Variants in FBXL17 observed in about 807,000 individuals in gnomAD.
FBXL17 encodes F-box/LRR-repeat protein 17.
FBXL17 carries 22 observed loss-of-function variants against 66.2 expected under a neutral mutation model. The ratio of observed to expected loss-of-function variants is 0.33; its 90% confidence interval spans 0.24 to 0.47. FBXL17 has a LOEUF of 0.47. Among genes scored for constraint, FBXL17 ranks in the 20% least tolerant of loss-of-function variants. The pLI, the probability that FBXL17 is intolerant of heterozygous loss-of-function variation, is 1.00. For missense variants in FBXL17, 878 were observed against 948.2 expected, an observed-to-expected ratio of 0.93 and a Z score of 0.97; for synonymous variants, 474 against 400.5, an observed-to-expected ratio of 1.18 and a Z score of -2.19.
chr5:108,317,729 T>A (rs1759436669), intron 4 of FBXL17, among the ~76,000 whole-genome samples: 1 of 151,402 alleles, frequency 6.6e-6, no homozygotes. Flanking sequence ...ATATTACAAA[T>A]ATTATCTTAA....
At chr5:107,907,041 G>A (rs754658225) in intron 7 of FBXL17, among the ~76,000 whole-genome samples, 23 of 152,202 alleles carry the variant, frequency 1.5e-4, no homozygotes, top group Middle Eastern at 3.4e-3. Context: ...TAATATCTTC[G>A]TAAAATAGAT....
Position 107,861,846 on chromosome 5 carries a change from C to T in FBXL17, c.1980G>A (p.Thr660=), listed in dbSNP as rs149163100. 642 of 1,534,840 alleles carry T rather than the reference C, an allele frequency of 4.2e-4. 1 individual carries two copies. Among genetic ancestry groups the T allele is most frequent in the Non-Finnish European group, 3.9e-4 (445 of 1,135,468 alleles). The change falls in exon 9 of 9, where the codon ACG becomes ACA. Residue 660 remains threonine (T), a synonymous_variant. Transcript: ENST00000542267. ...GGTACTGCTGCACCAGCTGTTCCAC[C>T]GTCACTTCGTTGACCTGCAAACAAA... ...LMRCDKVNEV[T]VEQLVQQYPH...
In FBXL17 at chr5:108,381,497, C is replaced by T. The variant is rs1749927056; in HGVS notation, c.195G>A (p.Val65=). The change falls in exon 1 of 9, where the codon GTG becomes GTA. Residue 65 remains valine (V), a synonymous_variant. Transcript: ENST00000542267. The part of the protein sequence containing the change: ...FRGPCMLCFI[V]HSPGAPAPAG... ...CGGGGGCGGGCGCGCCGGGACTGTGCACGATGAAGCAGAGCATGCAGGGCC... is the reference window on the plus strand; with the variant it reads ...CGGGGGCGGGCGCGCCGGGACTGTGTACGATGAAGCAGAGCATGCAGGGCC... 2 of 1,387,336 alleles carry T rather than the reference C, an allele frequency of 1.4e-6. No individual in the cohort carries two copies. Among genetic ancestry groups the T allele is most frequent in the Admixed American group, 3.7e-5 (1 of 26,790 alleles). 85.9% of individuals were successfully genotyped at this position (1,387,336 alleles called of 1,614,324 possible). A position where few individuals can be genotyped will look rare whatever the true frequency, so the allele number is the denominator to read the frequency against.
At chr5:108,272,239 C>A (rs773266501) in intron 4 of FBXL17, among the ~76,000 whole-genome samples, 31 of 151,768 alleles carry the variant, frequency 2.0e-4, no homozygotes, top group Non-Finnish European at 4.0e-4. Flanking sequence ...TGCAGTGACC[C>A]GAGATCGCGC....
At chr5:108,131,638 C>T (rs1750936414) in intron 6 of FBXL17, among the ~76,000 whole-genome samples, 1 of 152,096 alleles carries the variant, frequency 6.6e-6, no homozygotes, top group Admixed American at 6.5e-5. Flanking sequence ...TTCATCAAAA[C>T]ACAAATTTTT....
At chr5:108,185,712 A>C (rs1753202345) in intron 6 of FBXL17, among the ~76,000 whole-genome samples, 1 of 152,170 alleles carries the variant, frequency 6.6e-6, no homozygotes, top group Admixed American at 6.5e-5. Context: ...ACCTTTAAGA[A>C]AGGGTTTAAA....
chr5:108,279,494 T>C (rs1392103060), intron 4 of FBXL17, among the ~76,000 whole-genome samples: 1 of 151,318 alleles, frequency 6.6e-6, no homozygotes, highest in Non-Finnish European at 1.5e-5. Context: ...CAGTGCTGCA[T>C]GCACCCAGAA....
At chr5:108,046,104 C>G (rs1747245135) in intron 6 of FBXL17, among the ~76,000 whole-genome samples, 1 of 152,142 alleles carries the variant, frequency 6.6e-6, no homozygotes, top group Admixed American at 6.5e-5. Flanking sequence ...TTCAATTTTA[C>G]CAGTTTTTGC....
At chr5:108,351,594 A>T (rs1427254173) in intron 3 of FBXL17, among the ~76,000 whole-genome samples, 1 of 152,196 alleles carries the variant, frequency 6.6e-6, no homozygotes, top group Non-Finnish European at 1.5e-5. Flanking sequence ...TCAGTTAGCC[A>T]AACTCCAGAG....
At chr5:108,044,150 C>T (rs544714006) in intron 6 of FBXL17, among the ~76,000 whole-genome samples, 1 of 152,088 alleles carries the variant, frequency 6.6e-6, no homozygotes. Context: ...TTCATTTATT[C>T]CCTTCCAATC....
chr5:108,119,764 A>T (rs1750411629), intron 6 of FBXL17, among the ~76,000 whole-genome samples: 1 of 152,240 alleles, frequency 6.6e-6, no homozygotes. Context: ...ATCCCACTAT[A>T]TTATAACAAT....
chr5:108,306,419 T>A (rs986031593), intron 4 of FBXL17, among the ~76,000 whole-genome samples: 18 of 152,212 alleles, frequency 1.2e-4, no homozygotes, highest in African/African-American at 4.1e-4. Context: ...GAATATGAAT[T>A]TTGATGCCAT....
chr5:107,980,664 A>ATATATATATATATATATATATTTT lies in FBXL17; in HGVS notation c.1822+40260_1822+40261insAAAATATATATATATATATATATA. Reference sequence around the variant, plus strand: ...TAAAATAATATATATATATATATATATTTTTTTTTTGAGATGGAGTCTTGC... The same window carrying ATATATATATATATATATATATTTT: ...TAAAATAATATATATATATATATATATATATATATATATATATATATTTTTTTTTTTTTTGAGATGGAGTCTTGC... On this transcript the variant is annotated intron_variant, in intron 7 of 8. Transcript: ENST00000542267. Among the ~76,000 whole-genome samples the ATATATATATATATATATATATTTT allele has an allele frequency of 1.7e-3, 108 of 61,954 alleles. 1 individual carries two copies. Among genetic ancestry groups the ATATATATATATATATATATATTTT allele is most frequent in the East Asian group, 0.012 (11 of 926 alleles). 40.6% of individuals were successfully genotyped at this position (61,954 alleles called of 152,430 possible).
At chr5:108,301,175 C>T (rs1244592902) in intron 4 of FBXL17, among the ~76,000 whole-genome samples, 1 of 151,640 alleles carries the variant, frequency 6.6e-6, no homozygotes, top group African/African-American at 2.4e-5. Context: ...ATTATTCCTG[C>T]CACTTATTAA....
At chr5:108,144,543 A>G (rs897483316) in intron 6 of FBXL17, among the ~76,000 whole-genome samples, 1 of 152,216 alleles carries the variant, frequency 6.6e-6, no homozygotes, top group Non-Finnish European at 1.5e-5. Context: ...CGACTTCTGC[A>G]GATTTTTCTT....
At position 108,024,528 on chromosome 5, in the gene FBXL17, T is replaced by C. The variant is rs191437568; in HGVS notation, c.1746-3527A>G. Among the ~76,000 whole-genome samples, 355 of 152,270 alleles carry C rather than the reference T, an allele frequency of 2.3e-3. 1 individual carries two copies. The highest frequency in any genetic ancestry group is 8.1e-3 in the African/African-American group (336 of 41,536). ...TTCGGTTCATTTAAATATACTTTAATTTATTCTGAATTGCCTACCCTCAGT... is the reference window on the plus strand; with the variant it reads ...TTCGGTTCATTTAAATATACTTTAACTTATTCTGAATTGCCTACCCTCAGT... On this transcript the variant is annotated intron_variant, in intron 6 of 8. Transcript: ENST00000542267.
chr5:108,090,150 C>G (rs541878560), intron 6 of FBXL17, among the ~76,000 whole-genome samples: 2 of 152,106 alleles, frequency 1.3e-5, no homozygotes, highest in Non-Finnish European at 2.9e-5. Flanking sequence ...TTTTAATAAG[C>G]TTAATCATAA....
At chr5:108,127,983 T>C (rs761708237) in intron 6 of FBXL17, among the ~76,000 whole-genome samples, 1 of 152,148 alleles carries the variant, frequency 6.6e-6, no homozygotes, top group Non-Finnish European at 1.5e-5. Context: ...CAGTGCCTCA[T>C]GTCTATAATC....
intron 4 of FBXL17, among the ~76,000 whole-genome samples, chr5:108,297,530 C>T (rs541266431): frequency 6.6e-6 from 1 of 151,748 alleles, no homozygotes; most frequent in East Asian, 1.9e-4. Context: ...AAGACTCAAA[C>T]ATCAAAAATC....
Sources: gnomAD v4.1 joint callset for allele counts (sites outside exome capture counted in the v4.1 genomes callset) on GRCh38, gnomAD v4.1.1 for gene constraint, MANE v1.5 for transcripts, NCBI Gene and HGNC (gene_info 2026-07-23, HGNC 2026-07-21) for gene names.